KCNQ1: variants seen among roughly 807,000 people sequenced by gnomAD.
KCNQ1 encodes the protein potassium voltage-gated channel subfamily KQT member 1.
A neutral mutation model predicts 72.4 loss-of-function variants in KCNQ1; 49 were observed. The ratio of observed to expected loss-of-function variants is 0.68; its 90% CI spans 0.54 to 0.86. The LOEUF is 0.86. Ranked by LOEUF, KCNQ1 falls within the 40% of genes least tolerant of loss-of-function variation. The probability of loss-of-function intolerance (pLI) is 0.00; values close to 1 mark genes in which losing one functional copy is unlikely to be tolerated. For missense variants in KCNQ1, 790 were observed against 945.1 expected (o/e 0.84, Z 2.15); for synonymous variants, 450 against 412.6 (o/e 1.09, Z -1.10).
rs1246459761 is a variant in KCNQ1, at chr11:2,620,502, T to TTGTA, written c.1393+31648_1393+31649insTGTA. The TTGTA allele has an allele frequency of 8.1e-6, 3 of 369,978 alleles. No individual in the cohort carries two copies. The East Asian group carries it at 1.2e-4, about 14-fold the overall frequency. The allele number at this position is 369,978 out of a possible 1,614,324, so 22.9% of individuals were successfully genotyped here. A position where few individuals can be genotyped will look rare whatever the true frequency, so the allele number is the denominator to read the frequency against. ...AAGTGCTGGGATTACAGGTGAGAGCTACCGCACCTGGCCGAATTCATTCAT... is the reference window on the plus strand; with the variant it reads ...AAGTGCTGGGATTACAGGTGAGAGCTTGTAACCGCACCTGGCCGAATTCATTCAT... On this transcript the variant is annotated intron_variant, in intron 10 of 15. Transcript: ENST00000155840. The surrounding 1 kb of genome is among the most constrained non-coding windows in gnomAD (Gnocchi z 4.5).
rs574309279 is a variant in KCNQ1 at position 2,614,192 on chromosome 11, G to A, written c.1393+25338G>A. 4 of 398,476 alleles carry A rather than the reference G, an allele frequency of 1.0e-5. 1 individual carries two copies. Among genetic ancestry groups the A allele is most frequent in the Middle Eastern group, 6.3e-4 (1 of 1,588 alleles). 24.7% of individuals were successfully genotyped at this position (398,476 alleles called of 1,614,324 possible). A position where few individuals can be genotyped will look rare whatever the true frequency, so the allele number is the denominator to read the frequency against. On this transcript the variant is annotated intron_variant, in intron 10 of 15. Transcript: ENST00000155840. ...ACCCCCAAGAGGTGATTCTCTGAGG[G>A]TGCCACCTCAAATCTTAGTCATTTG...
In KCNQ1 at chr11:2,669,544, G is replaced by A; in HGVS notation, c.1514+7463G>A. On this transcript the variant is annotated intron_variant, in intron 11 of 15. Coordinates refer to ENST00000155840, the MANE Select transcript of KCNQ1 (RefSeq NM_000218.3). This position sits in a 1 kb window ranked among gnomAD's most constrained non-coding sequence, Gnocchi z 5.6. ...TATGTTCGCTGAATCCAGGGACAAG[G>A]TCTGTCAGGGAGCCCTGGCCAGCTT... 1 of 398,608 alleles carries A rather than the reference G, an allele frequency of 2.5e-6. No individual in the cohort carries two copies. Among genetic ancestry groups the A allele is most frequent in the Non-Finnish European group, 4.4e-6 (1 of 226,076 alleles). The allele number at this position is 398,608 out of a possible 1,614,324, so 24.7% of individuals were successfully genotyped here. A position where few individuals can be genotyped will look rare whatever the true frequency, so the allele number is the denominator to read the frequency against.
intron 10 of KCNQ1, chr11:2,625,964 T>G: frequency 2.5e-6 from 1 of 398,654 alleles, no homozygotes; most frequent in Non-Finnish European, 4.4e-6. Context: ...GTATGTGATT[T>G]GCAAATTTTT....
At position 2,790,235 on chromosome 11, in the gene KCNQ1, C is replaced by T. The variant is rs111466129; in HGVS notation, c.1794+12198C>T. The stretch of plus-strand genomic sequence containing the variant: ...AAGCCTGTCTGATGTGGCTCCCGTC[C>T]TCCTCTGCTGGGGTTGTCTACACTG... On this transcript the variant is annotated intron_variant, in intron 15 of 15. Transcript: ENST00000155840. 3.8e-3 allele frequency among the ~76,000 whole-genome samples: 586 copies of T among 152,302 alleles called. 2 individuals carry two copies. The highest frequency in any genetic ancestry group is 0.013 in the African/African-American group (548 of 41,562).
At position 2,544,863 on chromosome 11, in the gene KCNQ1, ACTG is replaced by A. The variant is rs1847882851; in HGVS notation, c.477+16849_477+16851del. On this transcript the variant is annotated intron_variant, in intron 2 of 15. Coordinates refer to ENST00000155840, the MANE Select transcript of KCNQ1 (RefSeq NM_000218.3). This position sits in a 1 kb window ranked among gnomAD's most constrained non-coding sequence, Gnocchi z 4.4. ...ACTGCAGTGTCCAATACAAGTGAAC[ACTG>A]CTGTGTCCCCAGCCTTAGAAGACAC... Among the ~76,000 whole-genome samples the A allele has an allele frequency of 1.3e-5, 2 of 152,198 alleles. No homozygotes were observed. Among genetic ancestry groups the A allele is most frequent in the Admixed American group, 1.3e-4 (2 of 15,280 alleles).
Position 2,536,346 on chromosome 11 carries a change from C to T in KCNQ1, c.477+8328C>T, listed in dbSNP as rs1186881212. Among the ~76,000 whole-genome samples, 1 of 152,074 alleles carries T rather than the reference C, an allele frequency of 6.6e-6. No individual in the cohort carries two copies. Among genetic ancestry groups the T allele is most frequent in the Non-Finnish European group, 1.5e-5 (1 of 67,976 alleles). On this transcript the variant is annotated intron_variant, in intron 2 of 15. Coordinates refer to ENST00000155840, the MANE Select transcript of KCNQ1 (RefSeq NM_000218.3). This position sits in a 1 kb window ranked among gnomAD's most constrained non-coding sequence, Gnocchi z 7.4. ...GCTCTTACAGGAGTCTCTCGTGCACCATTGCTCAACCCCCGAGAGTTATGG... is the reference window on the plus strand; with the variant it reads ...GCTCTTACAGGAGTCTCTCGTGCACTATTGCTCAACCCCCGAGAGTTATGG...
Position 2,571,432 on chromosome 11 carries a change from CA to C in KCNQ1, c.683+30del, listed in dbSNP as rs762126288. ...CGTCTGTGCCACAAGCTCCCCCCGCCATGCCGCCCCACCCCGAGCACCCCTC... is the reference window on the plus strand; with the variant it reads ...CGTCTGTGCCACAAGCTCCCCCCGCCTGCCGCCCCACCCCGAGCACCCCTC... On this transcript the variant is annotated intron_variant, in intron 4 of 15. Coordinates refer to ENST00000155840, the MANE Select transcript of KCNQ1 (RefSeq NM_000218.3). 6.9e-6 allele frequency: 11 copies of C among 1,585,706 alleles called. No individual in the cohort carries two copies. The Admixed American group carries it at 1.7e-4, about 24-fold the overall frequency.
At chr11:2,501,932 T>C (rs1384731975) in intron 1 of KCNQ1, among the ~76,000 whole-genome samples, 7 of 152,130 alleles carry the variant, frequency 4.6e-5, no homozygotes, top group African/African-American at 1.7e-4. Context: ...ATCAACAGAA[T>C]GAAGGACAAA....
intron 15 of KCNQ1, among the ~76,000 whole-genome samples, chr11:2,814,367 G>C (rs560464491): frequency 6.6e-6 from 1 of 150,514 alleles, no homozygotes; most frequent in South Asian, 2.1e-4. Flanking sequence ...GGATAAAGAG[G>C]TGGATAGATA....
chr11:2,484,740 G>A lies in KCNQ1; in HGVS notation c.386+39256G>A, dbSNP rs1846708200. ...ATCGCCACTGTGGACCTGCTGCTCTGCGCCCACTCGGCCGACGGAGCTGGG... is the reference window on the plus strand; with the variant it reads ...ATCGCCACTGTGGACCTGCTGCTCTACGCCCACTCGGCCGACGGAGCTGGG... On this transcript the variant is annotated intron_variant, in intron 1 of 15. Transcript: ENST00000155840. This position sits in a 1 kb window ranked among gnomAD's most constrained non-coding sequence, Gnocchi z 5.2. Among the ~76,000 whole-genome samples the A allele has an allele frequency of 6.6e-6, 1 of 152,172 alleles. No homozygotes were observed. The highest frequency in any genetic ancestry group is 1.5e-5 in the Non-Finnish European group (1 of 68,032).
Position 2,471,710 on chromosome 11 carries a change from GTGTA to G in KCNQ1, c.386+26230_386+26233del, listed in dbSNP as rs1049582105. Among the ~76,000 whole-genome samples, 12 of 145,066 alleles carry G rather than the reference GTGTA, an allele frequency of 8.3e-5. No homozygotes were observed. Among genetic ancestry groups the G allele is most frequent in the Admixed American group, 2.0e-4 (3 of 14,920 alleles). ...TGGGTGTGCATGTGTGTATAGGTGT[GTGTA>G]TGTGTGCATGGGCGTGTGTATGTGT... On this transcript the variant is annotated intron_variant, in intron 1 of 15. Transcript: ENST00000155840. This position sits in a 1 kb window ranked among gnomAD's most constrained non-coding sequence, Gnocchi z 4.8.
chr11:2,838,769 A>G (rs557257209), intron 15 of KCNQ1, among the ~76,000 whole-genome samples: 58 of 152,204 alleles, frequency 3.8e-4, no homozygotes, highest in African/African-American at 1.4e-3. Flanking sequence ...TGGCTGAGGC[A>G]GCAGAGCGCT....
Position 2,611,201 on chromosome 11 carries a change from T to G in KCNQ1, c.1393+22347T>G, listed in dbSNP as rs1380311095. On this transcript the variant is annotated intron_variant, in intron 10 of 15. Transcript: ENST00000155840. This position sits in a 1 kb window ranked among gnomAD's most constrained non-coding sequence, Gnocchi z 5.3. ...AATAACATGGTTTGTTTTTAAAGTC[T>G]ATTTTGTCTGATTTTATTTATTTTT... 2.5e-6 allele frequency: 1 copy of G among 398,406 alleles called. No individual in the cohort carries two copies. Among genetic ancestry groups the G allele is most frequent in the Non-Finnish European group, 4.4e-6 (1 of 226,048 alleles). The allele number at this position is 398,406 out of a possible 1,614,324, so 24.7% of individuals were successfully genotyped here.
intron 1 of KCNQ1, among the ~76,000 whole-genome samples, chr11:2,467,401 G>A (rs958078220): frequency 2.2e-4 from 33 of 152,168 alleles, no homozygotes; most frequent in African/African-American, 7.7e-4. Context: ...GAGCAGCCAG[G>A]GATGGTGTGG....
At chr11:2,706,360 G>A (rs1850910794) in intron 11 of KCNQ1, among the ~76,000 whole-genome samples, 1 of 152,224 alleles carries the variant, frequency 6.6e-6, no homozygotes, top group Non-Finnish European at 1.5e-5. Context: ...AGGAACTGAG[G>A]CCTCCTATAA....
chr11:2,741,595 C>G (rs762927930), intron 11 of KCNQ1, among the ~76,000 whole-genome samples: 3 of 152,194 alleles, frequency 2.0e-5, no homozygotes, highest in African/African-American at 7.2e-5. Flanking sequence ...GAGCTCTGTT[C>G]GGGTCTCTAT....
rs1203714987 is a variant in KCNQ1 at position 2,468,106 on chromosome 11, G to A, written c.386+22622G>A. 6.6e-6 allele frequency among the ~76,000 whole-genome samples: 1 copy of A among 152,216 alleles called. No homozygotes were observed. Among genetic ancestry groups the A allele is most frequent in the Non-Finnish European group, 1.5e-5 (1 of 68,032 alleles). On this transcript the variant is annotated intron_variant, in intron 1 of 15. Coordinates refer to ENST00000155840, the MANE Select transcript of KCNQ1 (RefSeq NM_000218.3). This position sits in a 1 kb window ranked among gnomAD's most constrained non-coding sequence, Gnocchi z 5.7. ...CCCGGAAAATGCACTGTCTCTCCTG[G>A]GCTCCCAACCTTTCACAGGCCACAG...
chr11:2,564,952 A>G lies in KCNQ1; in HGVS notation c.478-5676A>G, dbSNP rs1848224747. ...TTAAGGCCAAATCCTATTCCGTGGT[A>G]GGGAGGGACCACATCTTCCGTCTCC... On this transcript the variant is annotated intron_variant, in intron 2 of 15. Transcript: ENST00000155840. This position sits in a 1 kb window ranked among gnomAD's most constrained non-coding sequence, Gnocchi z 4.5. Among the ~76,000 whole-genome samples the G allele has an allele frequency of 1.3e-5, 2 of 152,310 alleles. No individual in the cohort carries two copies. The highest frequency in any genetic ancestry group is 3.4e-3 in the Middle Eastern group (1 of 294).
rs932989949 is a variant in KCNQ1, at chr11:2,549,097, A to G, written c.477+21079A>G. ...TACATCCAGCTTCCACCCAAGGGAG[A>G]GTGGCTGGGTGGAGAGGGGGCAGGC... On this transcript the variant is annotated intron_variant, in intron 2 of 15. Coordinates refer to ENST00000155840, the MANE Select transcript of KCNQ1 (RefSeq NM_000218.3). This position sits in a 1 kb window ranked among gnomAD's most constrained non-coding sequence, Gnocchi z 6.2. 4.6e-5 allele frequency among the ~76,000 whole-genome samples: 7 copies of G among 152,040 alleles called. No individual in the cohort carries two copies. The highest frequency in any genetic ancestry group is 7.4e-5 in the Non-Finnish European group (5 of 67,970).
Sources: gnomAD v4.1 joint callset for allele counts (sites outside exome capture counted in the v4.1 genomes callset) on GRCh38, gnomAD v4.1.1 for gene constraint, Gnocchi (gnomAD v3.1) non-coding constraint, MANE v1.5 for transcripts, NCBI Gene and HGNC (gene_info 2026-07-23, HGNC 2026-07-21) for gene names.